The following PFDN1 variants were observed in gnomAD, a reference collection of about 807,000 sequenced individuals.
PFDN1 encodes prefoldin subunit 1.
Under a neutral mutation model 17.3 loss-of-function variants are expected in PFDN1, and 6 were observed. That is an observed-to-expected ratio of 0.35 (90% CI 0.19 to 0.69). The LOEUF is 0.69. Ranked by LOEUF, PFDN1 falls within the 30% of genes least tolerant of loss-of-function variation. The probability of loss-of-function intolerance (pLI) is 0.65; values close to 1 mark genes in which losing one functional copy is unlikely to be tolerated. For synonymous variants in PFDN1, 58 were observed against 50.1 expected (o/e 1.16, Z -0.67); for missense variants, 113 against 146.2 (o/e 0.77, Z 1.17).
chr5:140,275,723 G>A (rs1417894238), intron 3 of PFDN1, among the ~76,000 whole-genome samples: 1 of 152,120 alleles, frequency 6.6e-6, no homozygotes, highest in Non-Finnish European at 1.5e-5. Context: ...TGAAAATGGG[G>A]TATCAGGTTA....
At chr5:140,300,728 A>G (rs1581101349) in intron 1 of PFDN1, 146 bp from the exon 2 acceptor site, 3 of 590,366 alleles carry the variant, frequency 5.1e-6, no homozygotes, top group Non-Finnish European at 8.9e-6. Flanking sequence ...ACATAACTGT[A>G]AACAATCAAG....
In PFDN1 at chr5:140,245,407, G is replaced by C; in HGVS notation, c.*567C>G. On this transcript the variant is annotated 3_prime_UTR_variant, in exon 4 of 4. Transcript: ENST00000261813. ...CAGGGACTGCTATTCTGTTCACTGA[G>C]ATTCAGCTGTGAACATCTGTTCTTT... 1 of 701,864 alleles carries C rather than the reference G, an allele frequency of 1.4e-6. No homozygotes were observed. The highest frequency in any genetic ancestry group is 2.6e-6 in the Non-Finnish European group (1 of 384,598). 43.5% of individuals were successfully genotyped at this position (701,864 alleles called of 1,614,324 possible).
intron 2 of PFDN1, among the ~76,000 whole-genome samples, chr5:140,282,561 A>C (rs958193697): frequency 1.7e-4 from 26 of 152,220 alleles, no homozygotes; most frequent in African/African-American, 6.0e-4. Flanking sequence ...CAGAGTGTAT[A>C]TAGTACCTCT....
At chr5:140,268,988 A>G (rs1765169366) in intron 3 of PFDN1, among the ~76,000 whole-genome samples, 1 of 152,152 alleles carries the variant, frequency 6.6e-6, no homozygotes, top group Admixed American at 6.5e-5. Context: ...TTTAGCTTCA[A>G]AATAGGATTC....
In PFDN1 at chr5:140,248,144, C is replaced by T. The variant is rs1294319602; in HGVS notation, c.286-2087G>A. Among the ~76,000 whole-genome samples, 3 of 151,356 alleles carry T rather than the reference C, an allele frequency of 2.0e-5. No homozygotes were observed. In the East Asian group the frequency reaches 6.0e-4, roughly 30 times the overall value. On this transcript the variant is annotated intron_variant, in intron 3 of 3. Coordinates refer to ENST00000261813, the MANE Select transcript of PFDN1 (RefSeq NM_002622.5). The stretch of plus-strand genomic sequence containing the variant: ...AGTGCAATGGCGCCATCTCGGCTCA[C>T]TGCAACCTCCGCCTCCCGGGTTCAC...
intron 2 of PFDN1, among the ~76,000 whole-genome samples, chr5:140,297,951 GCT>G (rs1339543584): frequency 1.3e-5 from 2 of 152,162 alleles, no homozygotes; most frequent in African/African-American, 2.4e-5. Context: ...TGTTAATAAA[GCT>G]GGCATTACTG....
intron 1 of PFDN1, 121 bp from the exon 2 acceptor site, chr5:140,300,703 C>T: frequency 1.6e-6 from 1 of 637,102 alleles, no homozygotes; most frequent in Non-Finnish European, 2.7e-6. Context: ...ATTTACCAAA[C>T]ATCAATAAAA....
chr5:140,260,795 T>C (rs1411103889), intron 3 of PFDN1, among the ~76,000 whole-genome samples: 2 of 150,774 alleles, frequency 1.3e-5, no homozygotes, highest in South Asian at 4.2e-4. Flanking sequence ...TTTTATGTTA[T>C]GTGAATTTTA....
chr5:140,281,373 C>T lies in PFDN1; in HGVS notation c.285+76G>A. On this transcript the variant is annotated intron_variant, in intron 3 of 3. Coordinates refer to ENST00000261813, the MANE Select transcript of PFDN1 (RefSeq NM_002622.5). ...GACATTACTTTGGCAGGCAGGCATA[C>T]ATTTTCATTTAATATGACACAATAA... 4.4e-6 allele frequency: 3 copies of T among 689,506 alleles called. No individual in the cohort carries two copies. The South Asian group carries it at 4.8e-5, about 11-fold the overall frequency. The allele number at this position is 689,506 out of a possible 1,614,324, so 42.7% of individuals were successfully genotyped here.
intron 3 of PFDN1, among the ~76,000 whole-genome samples, chr5:140,247,429 C>T (rs924594520): frequency 2.0e-5 from 3 of 152,124 alleles, no homozygotes; most frequent in African/African-American, 4.8e-5. Context: ...CGTGAGCCAC[C>T]GCGCTTAGCT....
Position 140,245,725 on chromosome 5 carries a change from C to A in PFDN1, c.*249G>T. ...TATCTTGCCCTGGCTCCCATCTTCCCTCTCCTGGGAGTTCATCACACATCC... is the reference window on the plus strand; with the variant it reads ...TATCTTGCCCTGGCTCCCATCTTCCATCTCCTGGGAGTTCATCACACATCC... On this transcript the variant is annotated 3_prime_UTR_variant, in exon 4 of 4. Transcript: ENST00000261813. 1.6e-6 allele frequency: 1 copy of A among 613,540 alleles called. No homozygotes were observed. The highest frequency in any genetic ancestry group is 2.9e-6 in the Non-Finnish European group (1 of 345,250). The allele number at this position is 613,540 out of a possible 1,614,324, so 38.0% of individuals were successfully genotyped here. A position where few individuals can be genotyped will look rare whatever the true frequency, so the allele number is the denominator to read the frequency against.
rs146291317 is a variant in PFDN1, at chr5:140,291,705, C to A, written c.200+8711G>T. ...AAAAAAAAAATCCAAGGGCTAAGGACAAAGTAAATTTAATATTTACAAATG... is the reference window on the plus strand; with the variant it reads ...AAAAAAAAAATCCAAGGGCTAAGGAAAAAGTAAATTTAATATTTACAAATG... On this transcript the variant is annotated intron_variant, in intron 2 of 3. Transcript: ENST00000261813. Among the ~76,000 whole-genome samples, 557 of 151,616 alleles carry A rather than the reference C, an allele frequency of 3.7e-3. 7 individuals are homozygous for A. Among genetic ancestry groups the A allele is most frequent in the African/African-American group, 0.013 (522 of 41,294 alleles).
intron 2 of PFDN1, among the ~76,000 whole-genome samples, chr5:140,285,302 C>G (rs968397178): frequency 1.3e-5 from 2 of 150,094 alleles, no homozygotes; most frequent in African/African-American, 2.5e-5. Context: ...GAGCCGAGAT[C>G]GCGCCACTGC....
intron 3 of PFDN1, among the ~76,000 whole-genome samples, chr5:140,280,809 A>C (rs930833158): frequency 1.3e-5 from 2 of 152,212 alleles, no homozygotes; most frequent in Non-Finnish European, 2.9e-5. Flanking sequence ...AAAGCCCAAG[A>C]AGAATATCTC....
At chr5:140,249,857 C>T (rs1022182374) in intron 3 of PFDN1, among the ~76,000 whole-genome samples, 5 of 152,140 alleles carry the variant, frequency 3.3e-5, no homozygotes, top group African/African-American at 9.7e-5. Flanking sequence ...ACAAGAAACC[C>T]GCCCCCATAA....
At chr5:140,269,320 T>C (rs1364408084) in intron 3 of PFDN1, among the ~76,000 whole-genome samples, 1 of 140,460 alleles carries the variant, frequency 7.1e-6, no homozygotes, top group East Asian at 2.0e-4. Context: ...GCCTTATAAC[T>C]TTTTTTTTTT....
chr5:140,292,122 C>G (rs1312774847), intron 2 of PFDN1, among the ~76,000 whole-genome samples: 1 of 152,134 alleles, frequency 6.6e-6, no homozygotes, highest in Non-Finnish European at 1.5e-5. Context: ...TCTAAGTATT[C>G]TGGTAAGTAA....
Position 140,301,366 on chromosome 5 carries a change from A to C in PFDN1, c.34-784T>G, listed in dbSNP as rs1765743572. Among the ~76,000 whole-genome samples, 3 of 152,220 alleles carry C rather than the reference A, an allele frequency of 2.0e-5. 1 individual carries two copies. The South Asian group carries it at 6.2e-4, about 31-fold the overall frequency. On this transcript the variant is annotated intron_variant, in intron 1 of 3. Coordinates refer to ENST00000261813, the MANE Select transcript of PFDN1 (RefSeq NM_002622.5). ...CAGGCCAAATTTGACCCTTGCGTAC[A>C]CTTACTTAACTGGAAGATAAACAGT...
intron 2 of PFDN1, among the ~76,000 whole-genome samples, chr5:140,283,512 C>CA (rs1269049805): frequency 6.6e-6 from 1 of 152,196 alleles, no homozygotes; most frequent in East Asian, 1.9e-4. Flanking sequence ...GGATTACAGG[C>CA]ATGAGCCACC....
Sources: allele counts gnomAD v4.1 joint callset (sites outside exome capture counted in the v4.1 genomes callset), GRCh38; gene constraint gnomAD v4.1.1; transcripts MANE v1.5; gene names NCBI Gene and HGNC (gene_info 2026-07-23, HGNC 2026-07-21).